TMEM117: variants seen among roughly 807,000 people sequenced by gnomAD.
TMEM117 encodes the protein transmembrane protein 117.
A neutral mutation model predicts 52.4 loss-of-function variants in TMEM117; 27 were observed. That is an observed-to-expected ratio of 0.51 (90% CI 0.38 to 0.71). The LOEUF is 0.71. Among genes scored for constraint, TMEM117 ranks in the 30% least tolerant of loss-of-function variants. The pLI is 0.00. For missense variants in TMEM117, 556 were observed against 630.5 expected, an observed-to-expected ratio of 0.88 and a Z score of 1.26; for synonymous variants, 215 against 206.3, an observed-to-expected ratio of 1.04 and a Z score of -0.36.
intron 7 of TMEM117, among the ~76,000 whole-genome samples, chr12:44,383,011 T>G (rs60072165): frequency 0.019 from 2,866 of 152,256 alleles, 96 homozygotes; most frequent in African/African-American, 0.065. Flanking sequence ...AATTGCATAT[T>G]TCTTTTACTT....
intron 5 of TMEM117, 53 bp from the exon 6 acceptor site, chr12:44,299,527 A>G: frequency 1.3e-6 from 2 of 1,590,640 alleles, no homozygotes; most frequent in Non-Finnish European, 1.7e-6. Context: ...TGCACTCTCT[A>G]GTATCTATAT....
intron 2 of TMEM117, among the ~76,000 whole-genome samples, chr12:43,900,523 G>T (rs1272831158): frequency 6.6e-6 from 1 of 151,936 alleles, no homozygotes; most frequent in African/African-American, 2.4e-5. Context: ...TTCGAGATCA[G>T]CCTGGCCAAT....
At chr12:43,890,650 G>C (rs991917626) in intron 2 of TMEM117, among the ~76,000 whole-genome samples, 1 of 152,020 alleles carries the variant, frequency 6.6e-6, no homozygotes, top group Non-Finnish European at 1.5e-5. Context: ...TCCTGTCTCA[G>C]CCTCCCGAGT....
chr12:44,342,172 T>TA (rs1354396529), intron 6 of TMEM117, among the ~76,000 whole-genome samples: 1 of 152,176 alleles, frequency 6.6e-6, no homozygotes. Flanking sequence ...AAAGCAGAGC[T>TA]ACAGAAGGTC....
At chr12:43,875,415 T>G (rs929270444) in intron 2 of TMEM117, among the ~76,000 whole-genome samples, 7 of 152,210 alleles carry the variant, frequency 4.6e-5, no homozygotes, top group Non-Finnish European at 2.9e-5. Context: ...GATATATTTT[T>G]ATTTTATTTT....
intron 3 of TMEM117, among the ~76,000 whole-genome samples, chr12:44,022,989 A>G (rs1022945019): frequency 3.3e-5 from 5 of 152,200 alleles, no homozygotes; most frequent in African/African-American, 9.6e-5. Flanking sequence ...AGTGGCTTCA[A>G]CATGATGCCG....
chr12:44,380,042 C>T (rs894053684), intron 7 of TMEM117, among the ~76,000 whole-genome samples: 2 of 152,184 alleles, frequency 1.3e-5, no homozygotes, highest in Non-Finnish European at 2.9e-5. Context: ...GCAAGTGATA[C>T]GTCTGCTGGC....
chr12:44,152,985 G>A (rs550268066), intron 4 of TMEM117, among the ~76,000 whole-genome samples: 491 of 150,960 alleles, frequency 3.3e-3, no homozygotes, highest in Non-Finnish European at 6.0e-3. Context: ...ATCATGGTGG[G>A]CCTGCAGGAG....
At chr12:43,988,251 G>GTA (rs953494167) in intron 3 of TMEM117, among the ~76,000 whole-genome samples, 2 of 151,996 alleles carry the variant, frequency 1.3e-5, no homozygotes, top group African/African-American at 4.8e-5. Flanking sequence ...AAAAATGTGT[G>GTA]TATGTATTAG....
At chr12:44,354,281 T>C (rs1446701451) in intron 6 of TMEM117, among the ~76,000 whole-genome samples, 1 of 152,122 alleles carries the variant, frequency 6.6e-6, no homozygotes, top group Admixed American at 6.6e-5. Context: ...GAATGCCCTT[T>C]ATTTCCTTCT....
At chr12:44,201,001 C>T (rs1478891211) in intron 4 of TMEM117, among the ~76,000 whole-genome samples, 1 of 152,128 alleles carries the variant, frequency 6.6e-6, no homozygotes, top group Non-Finnish European at 1.5e-5. Flanking sequence ...TAGGAAAATC[C>T]AGCAGAAGTT....
At chr12:43,802,277 G>T in the TMEM117 span, 5 of 1,496,306 alleles carry the variant, frequency 3.3e-6, no homozygotes, top group South Asian at 1.4e-5. Flanking sequence ...CTATAAAAAA[G>T]TTACTTACAT....
intron 5 of TMEM117, among the ~76,000 whole-genome samples, chr12:44,252,896 TA>T (rs879922989): frequency 4.6e-5 from 7 of 152,070 alleles, no homozygotes; most frequent in African/African-American, 1.7e-4. Context: ...ATGAGGATAA[TA>T]AAGCTTCTGA....
chr12:43,993,573 G>A (rs1480366795), intron 3 of TMEM117, among the ~76,000 whole-genome samples: 4 of 152,090 alleles, frequency 2.6e-5, no homozygotes, highest in Non-Finnish European at 5.9e-5. Flanking sequence ...GGGGGTGGAA[G>A]ATATGAGGAG....
At chr12:44,268,290 G>T (rs1458277792) in intron 5 of TMEM117, among the ~76,000 whole-genome samples, 1 of 151,744 alleles carries the variant, frequency 6.6e-6, no homozygotes, top group African/African-American at 2.4e-5. Context: ...GACATGCACC[G>T]CCATGCCTGG....
At chr12:44,171,116 C>T (rs986803916) in intron 4 of TMEM117, among the ~76,000 whole-genome samples, 8 of 150,756 alleles carry the variant, frequency 5.3e-5, no homozygotes, top group Admixed American at 1.3e-4. Context: ...CCCGGGTTCA[C>T]GCCATTCTCC....
chr12:44,343,374 G>A (rs1951442992), intron 6 of TMEM117, among the ~76,000 whole-genome samples: 1 of 152,058 alleles, frequency 6.6e-6, no homozygotes, highest in South Asian at 2.1e-4. Flanking sequence ...AAAACTTACT[G>A]GTTGTCTATT....
At chr12:44,147,786 G>T (rs1166310839) in intron 4 of TMEM117, among the ~76,000 whole-genome samples, 1 of 151,998 alleles carries the variant, frequency 6.6e-6, no homozygotes, top group Non-Finnish European at 1.5e-5. Context: ...ACAAAAATTA[G>T]CTGGATATAG....
intron 7 of TMEM117, among the ~76,000 whole-genome samples, chr12:44,384,859 A>G (rs867811335): frequency 1.3e-4 from 20 of 152,272 alleles, no homozygotes; most frequent in African/African-American, 4.3e-4. Context: ...TTTTTGGCAA[A>G]CAATATATTT....
Sources: gnomAD v4.1 joint callset for allele counts (sites outside exome capture counted in the v4.1 genomes callset) on GRCh38, gnomAD v4.1.1 for gene constraint, MANE v1.5 for transcripts, NCBI Gene and HGNC (gene_info 2026-07-23, HGNC 2026-07-21) for gene names.